XYLB: variants seen among roughly 807,000 people sequenced by gnomAD.
The protein encoded by XYLB is xylulokinase, also known as xylulose kinase.
A neutral mutation model predicts 78.7 loss-of-function variants in XYLB; 62 were observed. The ratio of observed to expected loss-of-function variants is 0.79; its 90% CI spans 0.64 to 0.97. XYLB has a LOEUF of 0.97. Ranked by LOEUF, XYLB falls within the 50% of genes least tolerant of loss-of-function variation. XYLB has a pLI of 0.00. For missense variants in XYLB, 687 were observed against 676.8 expected, an observed-to-expected ratio of 1.02 and a Z score of -0.17; for synonymous variants, 245 against 247.4, an observed-to-expected ratio of 0.99 and a Z score of 0.09.
chr3:38,425,361 C>A (rs1709079514), downstream of XYLB, among the ~76,000 whole-genome samples: 1 of 152,170 alleles, frequency 6.6e-6, no homozygotes, highest in African/African-American at 2.4e-5. Flanking sequence ...TACTGGCATC[C>A]CATATAATTC....
intron 17 of XYLB, among the ~76,000 whole-genome samples, chr3:38,398,676 G>GCCTT (rs1214431895): frequency 5.5e-5 from 8 of 146,668 alleles, no homozygotes; most frequent in African/African-American, 7.6e-5. Flanking sequence ...CTGCCTGCCT[G>GCCTT]CCTTCCTTCC....
the XYLB span, among the ~76,000 whole-genome samples, chr3:38,442,720 A>ATTTTTTTTT: frequency 1.0e-5 from 1 of 99,196 alleles, no homozygotes; most frequent in Non-Finnish European, 1.9e-5. Flanking sequence ...GGACTGCTGC[A>ATTTTTTTTT]TTTTTTTTTT....
At chr3:38,437,098 G>T in the XYLB span, among the ~76,000 whole-genome samples, 1 of 151,062 alleles carries the variant, frequency 6.6e-6, no homozygotes, top group Non-Finnish European at 1.5e-5. Flanking sequence ...TAAAAGGGGT[G>T]CAAGGATGGT....
the XYLB span, among the ~76,000 whole-genome samples, chr3:38,433,492 C>G: frequency 6.6e-6 from 1 of 152,192 alleles, no homozygotes; most frequent in Non-Finnish European, 1.5e-5. Context: ...GCAAATTTTC[C>G]AAACTTTTAT....
the XYLB span, among the ~76,000 whole-genome samples, chr3:38,434,784 A>G: frequency 6.6e-6 from 1 of 152,248 alleles, no homozygotes; most frequent in African/African-American, 2.4e-5. Flanking sequence ...ACAAAGCCTC[A>G]TATATCAATA....
intron 18 of XYLB, among the ~76,000 whole-genome samples, chr3:38,410,685 C>G (rs1559621692): frequency 6.6e-6 from 1 of 151,960 alleles, no homozygotes; most frequent in Non-Finnish European, 1.5e-5. Flanking sequence ...AACAAATTTA[C>G]AAGAAAAAAA....
downstream of XYLB, among the ~76,000 whole-genome samples, chr3:38,419,603 T>TATATATATATATATATATATATATA (rs71085322): frequency 4.2e-4 from 34 of 80,876 alleles, no homozygotes; most frequent in Non-Finnish European, 8.7e-4. Context: ...TATATATATA[T>TATATATATATATATATATATATATA]AATAGCCATC....
intron 18 of XYLB, among the ~76,000 whole-genome samples, chr3:38,406,613 G>C (rs1442244469): frequency 1.3e-5 from 2 of 152,104 alleles, no homozygotes; most frequent in South Asian, 2.1e-4. Flanking sequence ...CAAACCAAAG[G>C]CAAAGAAGTT....
intron 2 of XYLB, among the ~76,000 whole-genome samples, chr3:38,351,487 A>C (rs1705363045): frequency 6.6e-6 from 1 of 152,086 alleles, no homozygotes; most frequent in South Asian, 2.1e-4. Context: ...CTTCCCCATC[A>C]CCTCAATTGC....
chr3:38,437,299 G>A, the XYLB span, among the ~76,000 whole-genome samples: 1 of 152,070 alleles, frequency 6.6e-6, no homozygotes, highest in Non-Finnish European at 1.5e-5. Context: ...CAAATCCACA[G>A]CTAACATCAT....
chr3:38,399,294 G>A (rs957662429), intron 17 of XYLB, among the ~76,000 whole-genome samples: 5 of 151,602 alleles, frequency 3.3e-5, no homozygotes, highest in South Asian at 4.2e-4. Context: ...ATAGGGTTTC[G>A]CCATGTTGCC....
In XYLB at chr3:38,363,011, G is replaced by T. The variant is rs201305869; in HGVS notation, c.285G>T (p.Ala95=). 3 of 1,551,282 alleles carry T rather than the reference G, an allele frequency of 1.9e-6. No individual in the cohort carries two copies. The East Asian group carries it at 7.3e-5, about 38-fold the overall frequency. ...CTCAAGTCCTAGCCTTGTCCGGGGCGGGCCAGGTTCGTTTGCAGCAGACTC... is the reference window on the plus strand; with the variant it reads ...CTCAAGTCCTAGCCTTGTCCGGGGCTGGCCAGGTTCGTTTGCAGCAGACTC... ...DFSQVLALSG[A]GQQHGSIYWK... The change falls in exon 4 of 19, where the codon GCG becomes GCT. Residue 95 remains alanine, a synonymous_variant. Transcript: ENST00000207870.
intron 15 of XYLB, among the ~76,000 whole-genome samples, chr3:38,392,587 G>A (rs145127447): frequency 1.1e-4 from 17 of 152,246 alleles, no homozygotes; most frequent in African/African-American, 2.2e-4. Context: ...GTGAGCCACC[G>A]TGCCTGGCCA....
chr3:38,392,741 G>A (rs1172833332), intron 15 of XYLB, among the ~76,000 whole-genome samples: 2 of 151,940 alleles, frequency 1.3e-5, no homozygotes, highest in African/African-American at 4.8e-5. Context: ...TGAATATTAG[G>A]TTTTTGACAG....
chr3:38,386,538 T>G (rs1707389618), intron 15 of XYLB, among the ~76,000 whole-genome samples: 1 of 152,158 alleles, frequency 6.6e-6, no homozygotes, highest in Admixed American at 6.5e-5. Context: ...TATATGTTCT[T>G]TTTTCTTTCT....
intron 6 of XYLB, among the ~76,000 whole-genome samples, chr3:38,365,975 G>A (rs1706237431): frequency 6.6e-6 from 1 of 152,050 alleles, no homozygotes; most frequent in Non-Finnish European, 1.5e-5. Flanking sequence ...GGGGGTGAGG[G>A]TACCCCCTCA....
At chr3:38,376,861 A>C in intron 13 of XYLB, 57 bp from the exon 14 acceptor site, 1 of 1,493,498 alleles carries the variant, frequency 6.7e-7, no homozygotes, top group South Asian at 1.1e-5. Context: ...TCTGTTAAGA[A>C]GCTGATCTTT....
In XYLB at chr3:38,399,769, C is replaced by T. The variant is rs1708046413; in HGVS notation, c.1439-1122C>T. On this transcript the variant is annotated intron_variant, in intron 17 of 18. Transcript: ENST00000207870. ...AAAGGGTACCTGGGCCACTGCCCTG[C>T]TCTGCCCTCCAAAACCAAAGCCCGA... Among the ~76,000 whole-genome samples, 4 of 152,330 alleles carry T rather than the reference C, an allele frequency of 2.6e-5. No homozygotes were observed. In the South Asian group the frequency reaches 8.3e-4, roughly 32 times the overall value.
At position 38,400,964 on chromosome 3, in the gene XYLB, C is replaced by T. The variant is rs769183597; in HGVS notation, c.1512C>T (p.Thr504=). The T allele has an allele frequency of 7.4e-6, 12 of 1,614,172 alleles. No individual in the cohort carries two copies. In the East Asian group the frequency reaches 2.7e-4, roughly 36 times the overall value. The change falls in exon 18 of 19, where the codon ACC becomes ACT. Residue 504 remains threonine (T), a synonymous_variant. Coordinates refer to ENST00000207870, the MANE Select transcript of XYLB (RefSeq NM_005108.4). The part of the protein sequence containing the change: ...KLAPNPRLAA[T]PSPGASQVYE... ...CTCCAAATCCCAGACTAGCTGCTACCCCAAGCCCGGGAGCTTCTCAGGTGA... is the reference window on the plus strand; with the variant it reads ...CTCCAAATCCCAGACTAGCTGCTACTCCAAGCCCGGGAGCTTCTCAGGTGA...
Sources: gnomAD v4.1 joint callset for allele counts (sites outside exome capture counted in the v4.1 genomes callset) on GRCh38, gnomAD v4.1.1 for gene constraint, MANE v1.5 for transcripts, NCBI Gene and HGNC (gene_info 2026-07-23, HGNC 2026-07-21) for gene names.